ZNF141: variants seen among roughly 807,000 people sequenced by gnomAD.
The protein encoded by ZNF141 is zinc finger protein 141 (clone pHZ-44).
A neutral mutation model predicts 11.3 loss-of-function variants in ZNF141; 7 were observed. The ratio of observed to expected loss-of-function variants is 0.62; its 90% CI spans 0.35 to 1.16. The LOEUF (loss-of-function observed/expected upper bound fraction) is 1.16. ZNF141 is among the 50% of genes most tolerant of loss of function. The probability of loss-of-function intolerance (pLI) is 0.02; values close to 1 mark genes in which losing one functional copy is unlikely to be tolerated. For synonymous variants in ZNF141, 183 were observed against 190.7 expected (o/e 0.96, Z 0.33); for missense variants, 535 against 554.0 (o/e 0.97, Z 0.34).
At chr4:361,108 C>G (rs1378147475) in intron 3 of ZNF141, among the ~76,000 whole-genome samples, 1 of 152,152 alleles carries the variant, frequency 6.6e-6, no homozygotes, top group Non-Finnish European at 1.5e-5. Flanking sequence ...CCATCTTAAA[C>G]ATTTTCAAGT....
Position 375,447 on chromosome 4 carries a change from A to G in ZNF141, c.*1585A>G, listed in dbSNP as rs997272800. 1.3e-5 allele frequency among the ~76,000 whole-genome samples: 2 copies of G among 152,122 alleles called. No individual in the cohort carries two copies. The highest frequency in any genetic ancestry group is 4.1e-4 in the South Asian group (2 of 4,830). The stretch of plus-strand genomic sequence containing the variant: ...CTGCAGCTTAAACAGTTTACACTAG[A>G]AAATATTTTGTAGATGCAGTAAATG... On this transcript the variant is annotated 3_prime_UTR_variant, in exon 4 of 4. Transcript: ENST00000240499.
intron 3 of ZNF141, among the ~76,000 whole-genome samples, chr4:361,650 A>G (rs1369004115): frequency 2.6e-5 from 4 of 152,086 alleles, no homozygotes; most frequent in African/African-American, 9.7e-5. Context: ...TCTTTGTGAT[A>G]GTTTGCTCAG....
intron 3 of ZNF141, among the ~76,000 whole-genome samples, chr4:363,859 C>T (rs1425815685): frequency 1.3e-5 from 2 of 151,854 alleles, no homozygotes; most frequent in Non-Finnish European, 2.9e-5. Flanking sequence ...TTTTGAGATA[C>T]GTTCCATCAA....
intron 1 of ZNF141, among the ~76,000 whole-genome samples, chr4:341,172 A>G (rs1721033535): frequency 6.6e-6 from 1 of 151,824 alleles, no homozygotes; most frequent in Admixed American, 6.6e-5. Flanking sequence ...GGTTCAAGCA[A>G]TTCTCCTGCC....
In ZNF141 at chr4:381,280, T is replaced by C. The variant is rs1450012212; in HGVS notation, c.*7418T>C. Among the ~76,000 whole-genome samples, 3 of 151,858 alleles carry C rather than the reference T, an allele frequency of 2.0e-5. No homozygotes were observed. Among genetic ancestry groups the C allele is most frequent in the Non-Finnish European group, 4.4e-5 (3 of 67,988 alleles). ...CCCCAAATAGGTTTTTATTTGTTTA[T>C]AAAACTTTAAATTTATCTCTAGGAA... On this transcript the variant is annotated 3_prime_UTR_variant, in exon 4 of 4. Transcript: ENST00000240499.
chr4:360,841 A>G (rs535230552), intron 3 of ZNF141, among the ~76,000 whole-genome samples: 2 of 152,304 alleles, frequency 1.3e-5, no homozygotes, highest in East Asian at 3.9e-4. Context: ...TCTATTGCCT[A>G]TAAAAGTTTT....
chr4:347,640 C>T (rs970305882), intron 3 of ZNF141, among the ~76,000 whole-genome samples: 13 of 151,502 alleles, frequency 8.6e-5, no homozygotes, highest in African/African-American at 2.9e-4. Context: ...AGCCCGGCCG[C>T]GCCCAGCCTA....
rs782584170 is a variant in ZNF141, at chr4:383,249, ACTGAGCCCAGAAGAATGGCCCGG to A, written c.*9398_*9420del. On this transcript the variant is annotated 3_prime_UTR_variant, in exon 4 of 4. Transcript: ENST00000240499. ...AACCACTCACACCTGAAGGAGCCAAACTGAGCCCAGAAGAATGGCCCGGCTGAGCCCAGCCTAAATTTCTAACC... is the reference window on the plus strand; with the variant it reads ...AACCACTCACACCTGAAGGAGCCAAACTGAGCCCAGCCTAAATTTCTAACC... 11 of 663,116 alleles carry A rather than the reference ACTGAGCCCAGAAGAATGGCCCGG, an allele frequency of 1.7e-5. No homozygotes were observed. Among genetic ancestry groups the A allele is most frequent in the Non-Finnish European group, 2.7e-6 (1 of 369,656 alleles). The allele number at this position is 663,116 out of a possible 1,614,324, so 41.1% of individuals were successfully genotyped here. A position where few individuals can be genotyped will look rare whatever the true frequency, so the allele number is the denominator to read the frequency against.
At chr4:339,522 T>G (rs1463382723) in intron 1 of ZNF141, among the ~76,000 whole-genome samples, 1 of 152,228 alleles carries the variant, frequency 6.6e-6, no homozygotes, top group Non-Finnish European at 1.5e-5. Context: ...TTCAAGACCA[T>G]GCCTTTAGAC....
At position 374,000 on chromosome 4, in the gene ZNF141, C is replaced by G; in HGVS notation, c.*138C>G. 1.3e-6 allele frequency: 1 copy of G among 766,314 alleles called. No homozygotes were observed. Among genetic ancestry groups the G allele is most frequent in the South Asian group, 1.8e-5 (1 of 56,028 alleles). The allele number at this position is 766,314 out of a possible 1,614,324, so 47.5% of individuals were successfully genotyped here. On this transcript the variant is annotated 3_prime_UTR_variant, in exon 4 of 4. Coordinates refer to ENST00000240499, the MANE Select transcript of ZNF141 (RefSeq NM_003441.4). ...CAAAGTTCTTTACCTCATTCTCAAA[C>G]CTTGATAAACATAAGAGAATTCATA...
intron 3 of ZNF141, among the ~76,000 whole-genome samples, 172 bp downstream of exon 3, chr4:344,602 T>C (rs1553849248): frequency 6.6e-6 from 1 of 152,148 alleles, no homozygotes; most frequent in Non-Finnish European, 1.5e-5. Context: ...GAGATCATCC[T>C]GGCCAACATG....
At chr4:339,576 C>A (rs1330087777) in intron 1 of ZNF141, among the ~76,000 whole-genome samples, 14 of 152,338 alleles carry the variant, frequency 9.2e-5, no homozygotes, top group African/African-American at 3.4e-4. Flanking sequence ...AGGCTTAATG[C>A]TTTCTCTTTA....
rs1712330920 is a variant in ZNF141 at position 375,691 on chromosome 4, AAG to A, written c.*1830_*1831del. Reference sequence around the variant, plus strand: ...TAAAGTATATTTTTTCACTTGAAAAAAGTATAGATTTTTTGAAAAGCATATAA... The same window carrying A: ...TAAAGTATATTTTTTCACTTGAAAAATATAGATTTTTTGAAAAGCATATAA... On this transcript the variant is annotated 3_prime_UTR_variant, in exon 4 of 4. Transcript: ENST00000240499. Among the ~76,000 whole-genome samples, 1 of 152,100 alleles carries A rather than the reference AAG, an allele frequency of 6.6e-6. No homozygotes were observed. Among genetic ancestry groups the A allele is most frequent in the South Asian group, 2.1e-4 (1 of 4,836 alleles).
At chr4:349,813 T>C (rs1378525459) in intron 3 of ZNF141, among the ~76,000 whole-genome samples, 1 of 152,190 alleles carries the variant, frequency 6.6e-6, no homozygotes, top group Non-Finnish European at 1.5e-5. Context: ...TTGAGGATAT[T>C]AATCTATATG....
chr4:373,516 T>G lies in ZNF141; in HGVS notation c.1079T>G (p.Val360Gly), dbSNP rs1553854031. The change falls in exon 4 of 4, where the codon GTT (valine) becomes GGT (glycine). Residue 360 changes from valine (V) to glycine (G), a missense_variant. Coordinates refer to ENST00000240499, the MANE Select transcript of ZNF141 (RefSeq NM_003441.4). Reference protein sequence around the residue: ...QSSKLNEHKKVHTGERPYKCD... With the variant: ...QSSKLNEHKKGHTGERPYKCD... ...TCAAAACTGAATGAACATAAGAAAGTTCATACTGGAGAGCGGCCCTACAAA... is the reference window on the plus strand; with the variant it reads ...TCAAAACTGAATGAACATAAGAAAGGTCATACTGGAGAGCGGCCCTACAAA... The G allele has an allele frequency of 6.2e-7, 1 of 1,613,864 alleles. No individual in the cohort carries two copies. Among genetic ancestry groups the G allele is most frequent in the Admixed American group, 1.7e-5 (1 of 59,988 alleles).
At position 377,269 on chromosome 4, in the gene ZNF141, G is replaced by A. The variant is rs552176472; in HGVS notation, c.*3407G>A. On this transcript the variant is annotated 3_prime_UTR_variant, in exon 4 of 4. Coordinates refer to ENST00000240499, the MANE Select transcript of ZNF141 (RefSeq NM_003441.4). ...TATTGTAGTGAACAAACAAAGTTCT[G>A]GGTGTGTAATAGATGCTTCATAATT... 2.0e-5 allele frequency among the ~76,000 whole-genome samples: 3 copies of A among 152,202 alleles called. No individual in the cohort carries two copies. Among genetic ancestry groups the A allele is most frequent in the Admixed American group, 6.5e-5 (1 of 15,288 alleles).
In ZNF141 at chr4:380,998, T is replaced by G. The variant is rs563719199; in HGVS notation, c.*7136T>G. Among the ~76,000 whole-genome samples, 37 of 152,306 alleles carry G rather than the reference T, an allele frequency of 2.4e-4. No individual in the cohort carries two copies. Among genetic ancestry groups the G allele is most frequent in the Non-Finnish European group, 4.6e-4 (31 of 68,022 alleles). On this transcript the variant is annotated 3_prime_UTR_variant, in exon 4 of 4. Coordinates refer to ENST00000240499, the MANE Select transcript of ZNF141 (RefSeq NM_003441.4). ...GATACTGACGTACTTGGGAACAGCT[T>G]TCCTTTCAACTGTCCTTCACCACCC...
chr4:351,660 A>G (rs1553850456), intron 3 of ZNF141, among the ~76,000 whole-genome samples: 1 of 152,202 alleles, frequency 6.6e-6, no homozygotes, highest in Non-Finnish European at 1.5e-5. Context: ...CTTTTTATAT[A>G]AAACTAAGTG....
rs1553854784 is a variant in ZNF141, at chr4:377,235, T to TAA, written c.*3373_*3374insAA. Among the ~76,000 whole-genome samples the TAA allele has an allele frequency of 6.6e-6, 1 of 152,194 alleles. No homozygotes were observed. Among genetic ancestry groups the TAA allele is most frequent in the Non-Finnish European group, 1.5e-5 (1 of 68,024 alleles). ...AAACTTTGTCAGTCATGGGGATGTT[T>TAA]TGATCTATTATTGTAGTGAACAAAC... On this transcript the variant is annotated 3_prime_UTR_variant, in exon 4 of 4. Coordinates refer to ENST00000240499, the MANE Select transcript of ZNF141 (RefSeq NM_003441.4).
Sources: allele counts gnomAD v4.1 joint callset (sites outside exome capture counted in the v4.1 genomes callset), GRCh38; gene constraint gnomAD v4.1.1; transcripts MANE v1.5; gene names NCBI Gene and HGNC (gene_info 2026-07-23, HGNC 2026-07-21).